COLGALT2: variants seen among roughly 807,000 people sequenced by gnomAD.
The protein encoded by COLGALT2 is collagen beta(1-O)galactosyltransferase 2.
COLGALT2 carries 49 observed loss-of-function variants against 73.4 expected under a neutral mutation model. That is an observed-to-expected ratio of 0.67 (90% confidence interval 0.53 to 0.85). The LOEUF is 0.85. COLGALT2 is among the 40% of genes least tolerant of loss of function. The probability of loss-of-function intolerance (pLI) is 0.00; values close to 1 mark genes in which losing one functional copy is unlikely to be tolerated. For synonymous variants in COLGALT2, 295 were observed against 307.6 expected, an observed-to-expected ratio of 0.96 and a Z score of 0.43; for missense variants, 722 against 790.2, an observed-to-expected ratio of 0.91 and a Z score of 1.03.
intron 1 of COLGALT2, among the ~76,000 whole-genome samples, chr1:184,019,570 T>C (rs1649111971): frequency 6.6e-6 from 1 of 152,202 alleles, no homozygotes; most frequent in African/African-American, 2.4e-5. Flanking sequence ...TTTTAGGAGA[T>C]GCAGAAATCA....
rs762825449 is a variant in COLGALT2 at position 183,951,027 on chromosome 1, A to G, written c.1116T>C (p.Ile372=). The G allele has an allele frequency of 4.9e-5, 79 of 1,613,346 alleles. No homozygotes were observed. Among genetic ancestry groups the G allele is most frequent in the Admixed American group, 2.0e-4 (12 of 59,988 alleles). The change falls in exon 8 of 12, where the codon ATT becomes ATC. Residue 372 remains isoleucine, a synonymous_variant. Transcript: ENST00000361927. ...CTCACTTTCCATCCACAGCCTCGAC[A>G]ATCTTGACCTCAATCTCCTGTTCAT... ...TLYEQEIEVK[I]VEAVDGKALN...
At chr1:183,959,650 C>T (rs1670643755) in intron 6 of COLGALT2, among the ~76,000 whole-genome samples, 1 of 152,108 alleles carries the variant, frequency 6.6e-6, no homozygotes, top group South Asian at 2.1e-4. Context: ...TGGTCCCCTA[C>T]AATCTAGTAT....
At chr1:183,972,560 A>G (rs145719900) in intron 4 of COLGALT2, among the ~76,000 whole-genome samples, 1,868 of 151,344 alleles carry the variant, frequency 0.012, 42 homozygotes, top group African/African-American at 0.042. Context: ...TTACTATGAA[A>G]AAAAGAAATA....
At chr1:183,972,705 T>C (rs1346230587) in intron 4 of COLGALT2, among the ~76,000 whole-genome samples, 1 of 151,846 alleles carries the variant, frequency 6.6e-6, no homozygotes, top group Non-Finnish European at 1.5e-5. Context: ...CTTTTTTTTT[T>C]TTTTTCTTTT....
chr1:183,956,535 T>A (rs1670559899), intron 6 of COLGALT2, among the ~76,000 whole-genome samples: 1 of 152,174 alleles, frequency 6.6e-6, no homozygotes, highest in African/African-American at 2.4e-5. Flanking sequence ...CTGTTCATGA[T>A]ATTGTCTGAG....
At chr1:183,985,686 G>A (rs10911481) in intron 1 of COLGALT2, among the ~76,000 whole-genome samples, 27,408 of 152,106 alleles carry the variant, frequency 0.18, 2,816 homozygotes, top group East Asian at 0.41. Context: ...AGAGGTCTGC[G>A]ATTGGTGGAG....
At chr1:183,985,240 T>A (rs563534495) in intron 1 of COLGALT2, among the ~76,000 whole-genome samples, 1 of 152,114 alleles carries the variant, frequency 6.6e-6, no homozygotes, top group African/African-American at 2.4e-5. Context: ...TCTCAGCAGG[T>A]GGGACACGGA....
chr1:183,943,762 G>A (rs1210234467), intron 10 of COLGALT2, among the ~76,000 whole-genome samples: 3 of 152,176 alleles, frequency 2.0e-5, no homozygotes, highest in East Asian at 1.9e-4. Context: ...CTTCTCGGAA[G>A]CTGCAGAGGC....
intron 8 of COLGALT2, among the ~76,000 whole-genome samples, chr1:183,949,878 C>T (rs1017366861): frequency 2.6e-5 from 4 of 152,168 alleles, no homozygotes; most frequent in Admixed American, 6.5e-5. Flanking sequence ...ACTCTCACTA[C>T]TCAACTAGTT....
chr1:183,953,922 T>G (rs1228072483), intron 7 of COLGALT2, among the ~76,000 whole-genome samples: 2 of 152,216 alleles, frequency 1.3e-5, no homozygotes, highest in African/African-American at 4.8e-5. Flanking sequence ...ATAAGGCATC[T>G]TCCTTCGATT....
intron 1 of COLGALT2, among the ~76,000 whole-genome samples, chr1:184,006,706 T>G (rs1672096173): frequency 6.6e-6 from 1 of 152,130 alleles, no homozygotes; most frequent in Non-Finnish European, 1.5e-5. Context: ...AGTAATAACT[T>G]ATAGTACTAG....
At position 184,037,234 on chromosome 1, in the gene COLGALT2, G is replaced by C. The variant is rs1649718143; in HGVS notation, c.124C>G (p.Pro42Ala). Residue 42 changes from proline (P) to alanine (A), a missense_variant, in exon 1 of 12, where the codon CCG becomes GCG. Pro to Ala is a conservative substitution (Grantham distance 27). Transcript: ENST00000361927. ...ERDSEDDGEE[P>A]VVFPESPLQS... is the part of the protein sequence containing the mutation. ...AGGGGCGACTCCGGGAAAACCACCG[G>C]CTCCTCTCCGTCGTCCTCCGAGTCC... The C allele has an allele frequency of 3.8e-6, 6 of 1,593,064 alleles. No homozygotes were observed. Among genetic ancestry groups the C allele is most frequent in the Non-Finnish European group, 4.3e-6 (5 of 1,171,750 alleles).
intron 1 of COLGALT2, among the ~76,000 whole-genome samples, chr1:184,013,315 AAAAC>A (rs754967638): frequency 6.6e-6 from 1 of 152,202 alleles, no homozygotes; most frequent in Admixed American, 6.5e-5. Context: ...ACTCCATCTC[AAAAC>A]AAACAAACAA....
intron 3 of COLGALT2, 67 bp downstream of exon 3, chr1:183,975,030 T>A: frequency 8.7e-7 from 1 of 1,148,176 alleles, no homozygotes; most frequent in Admixed American, 1.8e-5. Context: ...ATGGTTCTAG[T>A]TTTTGGACGA....
At chr1:184,000,978 C>T (rs1443113258) in intron 1 of COLGALT2, among the ~76,000 whole-genome samples, 3 of 151,972 alleles carry the variant, frequency 2.0e-5, no homozygotes, top group Non-Finnish European at 4.4e-5. Context: ...TACAGGCGCC[C>T]GCCACCACGC....
chr1:184,014,446 C>A (rs10494572), intron 1 of COLGALT2, among the ~76,000 whole-genome samples: 38,060 of 151,930 alleles, frequency 0.25, 5,391 homozygotes, highest in East Asian at 0.45. Context: ...AAATGGTGAT[C>A]TTGGCAAGGA....
chr1:184,010,813 A>G (rs1672214752), intron 1 of COLGALT2, among the ~76,000 whole-genome samples: 1 of 152,216 alleles, frequency 6.6e-6, no homozygotes, highest in Non-Finnish European at 1.5e-5. Context: ...CTCCAAAAGT[A>G]CTGGCCACCT....
Position 183,938,595 on chromosome 1 carries a change from T to C in COLGALT2, c.*166A>G. On this transcript the variant is annotated 3_prime_UTR_variant, in exon 12 of 12. Coordinates refer to ENST00000361927, the MANE Select transcript of COLGALT2 (RefSeq NM_015101.4). ...GGTTGAATTTCCTTATTTCCTTCCA[T>C]GGTCAAAAATATGTTAATTTCGATC... The C allele has an allele frequency of 1.4e-6, 2 of 1,424,944 alleles. No homozygotes were observed. The highest frequency in any genetic ancestry group is 2.9e-5 in the Admixed American group (1 of 33,928). 88.3% of individuals were successfully genotyped at this position (1,424,944 alleles called of 1,614,324 possible).
At chr1:183,983,607 C>T (rs1185445198) in intron 1 of COLGALT2, among the ~76,000 whole-genome samples, 2 of 152,180 alleles carry the variant, frequency 1.3e-5, no homozygotes, top group African/African-American at 2.4e-5. Context: ...GCAGCAACAG[C>T]GCAGTGCTTG....
Sources: allele counts gnomAD v4.1 joint callset (sites outside exome capture counted in the v4.1 genomes callset), GRCh38; gene constraint gnomAD v4.1.1; transcripts MANE v1.5; gene names NCBI Gene and HGNC (gene_info 2026-07-23, HGNC 2026-07-21).